SH3RF3: variants seen among roughly 807,000 people sequenced by gnomAD.
SH3RF3 encodes the protein SH3 domain containing ring finger 3.
In SH3RF3, 29 loss-of-function variants were observed where a neutral mutation model predicts 66.3. The observed-to-expected ratio is 0.44, with a 90% confidence interval of 0.33 to 0.60. The LOEUF (loss-of-function observed/expected upper bound fraction) is 0.60. Ranked by LOEUF, SH3RF3 falls within the 20% of genes least tolerant of loss-of-function variation. The pLI is 0.04. For missense variants in SH3RF3, 1,194 were observed against 1,190.9 expected, an observed-to-expected ratio of 1.00 and a Z score of -0.04; for synonymous variants, 583 against 532.0, an observed-to-expected ratio of 1.10 and a Z score of -1.32.
intron 8 of SH3RF3, among the ~76,000 whole-genome samples, chr2:109,450,757 T>C (rs745525653): frequency 6.6e-6 from 1 of 152,238 alleles, no homozygotes; most frequent in Non-Finnish European, 1.5e-5. Context: ...GCTGTATCCC[T>C]AGGGCGTTGG....
chr2:109,499,357 G>A (rs1573300373), intron 9 of SH3RF3, among the ~76,000 whole-genome samples: 1 of 152,218 alleles, frequency 6.6e-6, no homozygotes. Context: ...TTTTTAGGCA[G>A]AGAGAATAGC....
At chr2:109,355,098 TG>T (rs1682921850) in intron 2 of SH3RF3, among the ~76,000 whole-genome samples, 1 of 152,184 alleles carries the variant, frequency 6.6e-6, no homozygotes, top group African/African-American at 2.4e-5. Context: ...CACTGCCATA[TG>T]GTAACGGCAT....
At chr2:109,188,359 G>A (rs1409521133) in intron 1 of SH3RF3, among the ~76,000 whole-genome samples, 3 of 152,218 alleles carry the variant, frequency 2.0e-5, no homozygotes, top group African/African-American at 7.2e-5. Flanking sequence ...CTTCCTCACA[G>A]TGATCACCAC....
chr2:109,418,649 T>C (rs1676787738), intron 4 of SH3RF3, among the ~76,000 whole-genome samples: 1 of 152,172 alleles, frequency 6.6e-6, no homozygotes, highest in South Asian at 2.1e-4. Flanking sequence ...TCAGGATCCT[T>C]ACCTCATATC....
chr2:109,173,628 A>G (rs1677842127), intron 1 of SH3RF3, among the ~76,000 whole-genome samples: 1 of 152,070 alleles, frequency 6.6e-6, no homozygotes, highest in Admixed American at 6.6e-5. Flanking sequence ...TGGCCCTTTC[A>G]TGGACCCCTG....
chr2:109,347,685 G>C lies in SH3RF3; in HGVS notation c.585G>C (p.Leu195=). The change falls in exon 2 of 10, where the codon CTG becomes CTC. Residue 195 remains leucine (L), a synonymous_variant. Transcript: ENST00000309415. ...TCTGTTGCTTGCAGAATCCCTGCCT[G>C]CTTCCCTATGGCAAGGCCCTCTACA... The part of the protein sequence containing the change: ...RTAPAAKNPC[L]LPYGKALYSY... 6.2e-7 allele frequency: 1 copy of C among 1,613,494 alleles called. No individual in the cohort carries two copies. The highest frequency in any genetic ancestry group is 8.5e-7 in the Non-Finnish European group (1 of 1,179,572).
At position 109,276,494 on chromosome 2, in the gene SH3RF3, G is replaced by C. The variant is rs755770665; in HGVS notation, c.574-71180G>C. 2.2e-4 allele frequency among the ~76,000 whole-genome samples: 33 copies of C among 152,150 alleles called. 1 individual carries two copies. Among genetic ancestry groups the C allele is most frequent in the Admixed American group, 9.2e-4 (14 of 15,282 alleles). ...TTAGCCCAGGTGTCGCTGCATGGAA[G>C]GCCTTGTTCAAGCCACTTAGTGATG... On this transcript the variant is annotated intron_variant, in intron 1 of 9. Coordinates refer to ENST00000309415, the MANE Select transcript of SH3RF3 (RefSeq NM_001099289.3).
chr2:109,389,675 A>G (rs1204900912), intron 3 of SH3RF3, among the ~76,000 whole-genome samples: 1 of 152,194 alleles, frequency 6.6e-6, no homozygotes, highest in Non-Finnish European at 1.5e-5. Flanking sequence ...TTTAATTTCT[A>G]TTTTGTGTAT....
At chr2:109,440,450 T>G (rs1677530283) in intron 7 of SH3RF3, among the ~76,000 whole-genome samples, 1 of 152,254 alleles carries the variant, frequency 6.6e-6, no homozygotes, top group Non-Finnish European at 1.5e-5. Context: ...ATGTTTATCC[T>G]AAGGGGGCAC....
At position 109,398,942 on chromosome 2, in the gene SH3RF3, A is replaced by T; in HGVS notation, c.1298A>T (p.Gln433Leu). 1 of 1,609,818 alleles carries T rather than the reference A, an allele frequency of 6.2e-7. No individual in the cohort carries two copies. The highest frequency in any genetic ancestry group is 8.5e-7 in the Non-Finnish European group (1 of 1,178,668). The change falls in exon 4 of 10, where the codon CAG becomes CTG. Residue 433 changes from glutamine to leucine, a missense_variant and splice_region_variant. Physicochemically the swap from Gln to Leu is moderately radical, Grantham distance 113. Transcript: ENST00000309415. ...CATCTGTCGTGCGCTGCTCCCACCC[A>T]GGTAACATCCCGCGGGCCAGGGCAG... The part of the protein sequence containing the change: ...LAHLSCAAPT[Q>L]DVSSSAGSTP...
intron 4 of SH3RF3, among the ~76,000 whole-genome samples, chr2:109,416,095 C>T (rs184965216): frequency 2.0e-5 from 3 of 152,292 alleles, no homozygotes; most frequent in Admixed American, 2.0e-4. Context: ...TCTCAGTCTC[C>T]AGAACTATAA....
intron 1 of SH3RF3, among the ~76,000 whole-genome samples, chr2:109,160,554 C>A (rs774593322): frequency 1.3e-5 from 2 of 152,204 alleles, no homozygotes; most frequent in African/African-American, 2.4e-5. Flanking sequence ...CTGGCTTAAT[C>A]TCATCTGATT....
intron 1 of SH3RF3, among the ~76,000 whole-genome samples, chr2:109,221,450 G>A (rs997926344): frequency 1.3e-5 from 2 of 152,114 alleles, no homozygotes; most frequent in East Asian, 1.9e-4. Context: ...AAGTGTGGTG[G>A]TGCACGCCTG....
intron 8 of SH3RF3, among the ~76,000 whole-genome samples, chr2:109,484,127 G>A (rs1435888622): frequency 6.7e-6 from 1 of 150,000 alleles, no homozygotes; most frequent in Non-Finnish European, 1.5e-5. Context: ...GGAGTGCAGT[G>A]GCGTGATCTT....
At chr2:109,309,415 C>T (rs1316153668) in intron 1 of SH3RF3, among the ~76,000 whole-genome samples, 1 of 137,794 alleles carries the variant, frequency 7.3e-6, no homozygotes, top group Non-Finnish European at 1.5e-5. Context: ...ATGTGAAGAC[C>T]ATTGAGACTA....
chr2:109,194,501 G>T (rs1054214162), intron 1 of SH3RF3, among the ~76,000 whole-genome samples: 1 of 152,236 alleles, frequency 6.6e-6, no homozygotes, highest in African/African-American at 2.4e-5. Flanking sequence ...GGTGGGTGGT[G>T]CGCATCTGAG....
intron 1 of SH3RF3, among the ~76,000 whole-genome samples, chr2:109,154,168 T>C (rs1039945561): frequency 5.9e-5 from 9 of 152,194 alleles, no homozygotes; most frequent in Admixed American, 4.6e-4. Flanking sequence ...CAAAATGTCA[T>C]CCCTACATGG....
At chr2:109,370,714 A>G (rs1470525957) in intron 2 of SH3RF3, among the ~76,000 whole-genome samples, 1 of 151,748 alleles carries the variant, frequency 6.6e-6, no homozygotes, top group African/African-American at 2.4e-5. Flanking sequence ...TCCTTCCTCG[A>G]TGACTGCTCA....
chr2:109,360,276 G>A (rs1048697504), intron 2 of SH3RF3, among the ~76,000 whole-genome samples: 2 of 152,040 alleles, frequency 1.3e-5, no homozygotes, highest in Non-Finnish European at 2.9e-5. Flanking sequence ...AAATACTTAT[G>A]TGTGAATAAT....
Sources: allele counts gnomAD v4.1 joint callset (sites outside exome capture counted in the v4.1 genomes callset), GRCh38; gene constraint gnomAD v4.1.1; transcripts MANE v1.5; gene names NCBI Gene and HGNC (gene_info 2026-07-23, HGNC 2026-07-21).